Variants in FLNB observed in about 807,000 individuals in gnomAD.
FLNB encodes the protein filamin-B.
Under a neutral mutation model 250.6 loss-of-function variants are expected in FLNB, and 111 were observed. The observed-to-expected ratio is 0.44, with a 90% CI of 0.38 to 0.52. The LOEUF is 0.52. Ranked by LOEUF, FLNB falls within the 20% of genes least tolerant of loss-of-function variation. The probability of loss-of-function intolerance (pLI) is 0.00; values close to 1 mark genes in which losing one functional copy is unlikely to be tolerated. For synonymous variants in FLNB, 1,302 were observed against 1,372.1 expected (o/e 0.95, Z 1.13); for missense variants, 2,869 against 3,447.8 (o/e 0.83, Z 4.20).
At chr3:58,021,496 G>A (rs76335373) in intron 1 of FLNB, among the ~76,000 whole-genome samples, 64 of 152,296 alleles carry the variant, frequency 4.2e-4, no homozygotes, top group East Asian at 1.4e-3. Context: ...TGAGTGAGGC[G>A]CCTTGGCAGA....
chr3:58,100,655 TG>T (rs2097249532), intron 8 of FLNB, among the ~76,000 whole-genome samples: 1 of 148,002 alleles, frequency 6.8e-6, no homozygotes, highest in Non-Finnish European at 1.5e-5. Context: ...TGGAGTGTGG[TG>T]GTGTGATCTT....
intron 38 of FLNB, chr3:58,151,150 G>C (rs1300364620): frequency 1.3e-5 from 2 of 152,232 alleles, no homozygotes; most frequent in African/African-American, 2.4e-5. Context: ...CCAGCACTTT[G>C]GGGGGCCGAG....
rs375606046 is a variant in FLNB at position 58,130,850 on chromosome 3, G to A, written c.4332G>A (p.Thr1444=). The A allele has an allele frequency of 1.2e-5, 20 of 1,613,260 alleles. No individual in the cohort carries two copies. The highest frequency in any genetic ancestry group is 1.7e-5 in the Admixed American group (1 of 59,948). The part of the protein sequence containing the change: ...GVRARVLQSF[T]VDSSKAGLAP... The stretch of plus-strand genomic sequence containing the variant: ...GAGCCCGTGTCCTGCAGTCCTTCAC[G>A]GTGGACAGCAGCAAGGCTGGCCTGG... Residue 1444 remains threonine (T), a synonymous_variant, in exon 25 of 46, where the codon ACG becomes ACA. Coordinates refer to ENST00000295956, the MANE Select transcript of FLNB (RefSeq NM_001457.4).
In FLNB at chr3:58,123,685, G is replaced by A; in HGVS notation, c.3719G>A (p.Gly1240Glu). 2 of 1,555,344 alleles carry A rather than the reference G, an allele frequency of 1.3e-6. No homozygotes were observed. Among genetic ancestry groups the A allele is most frequent in the Non-Finnish European group, 1.8e-6 (2 of 1,141,714 alleles). ...RIKVFGPGIE[G>E]KDVFREATTD... ...AAAGTCTTTGGACCAGGAATAGAAG[G>A]GAAAGGTGGGTTTCATTTAAAAAAA... The change falls in exon 21 of 46, where the codon GGG becomes GAG. Residue 1240 changes from glycine (G) to glutamate (E), a missense_variant. By Grantham distance (98) the Gly-to-Glu change is moderately conservative. This residue lies in a region of FLNB where 1,348 missense variants were observed against 1,466.7 expected (regional missense o/e 0.92). Transcript: ENST00000295956.
chr3:58,052,834 C>G (rs2097164509), intron 1 of FLNB, among the ~76,000 whole-genome samples: 1 of 152,196 alleles, frequency 6.6e-6, no homozygotes, highest in Admixed American at 6.5e-5. Context: ...CCTGCCCTGT[C>G]CGGATTTAAA....
chr3:58,163,441 A>C (rs1344381408), intron 43 of FLNB, 111 bp downstream of exon 43: 1 of 1,168,560 alleles, frequency 8.6e-7, no homozygotes, highest in Non-Finnish European at 1.3e-6. Context: ...CCCCGTGGAA[A>C]CTGGGGTCAT....
intron 22 of FLNB, 62 bp downstream of exon 22, chr3:58,124,567 G>T: frequency 1.9e-6 from 3 of 1,570,424 alleles, no homozygotes; most frequent in East Asian, 2.3e-5. Context: ...ATTGCCTCCT[G>T]GTGGCTGGTA....
At position 58,156,031 on chromosome 3, in the gene FLNB, G is replaced by A. The variant is rs1339176246; in HGVS notation, c.6844G>A (p.Ala2282Thr). The A allele has an allele frequency of 8.1e-6, 13 of 1,614,016 alleles. No homozygotes were observed. The highest frequency in any genetic ancestry group is 1.1e-5 in the Non-Finnish European group (13 of 1,179,948). The change falls in exon 41 of 46, where the codon GCA (alanine) becomes ACA (threonine). Residue 2282 changes from alanine (A) to threonine (T), a missense_variant. Physicochemically the swap from Ala to Thr is moderately conservative, Grantham distance 58 (BLOSUM62 0). Coordinates refer to ENST00000295956, the MANE Select transcript of FLNB (RefSeq NM_001457.4). Reference sequence around the variant, plus strand: ...AAGCCCCTACCTGGTGCCGGTCATCGCACCCTCCGACGACGCCCGCCGCCT... The same window carrying A: ...AAGCCCCTACCTGGTGCCGGTCATCACACCCTCCGACGACGCCCGCCGCCT... ...PESPYLVPVIAPSDDARRLTV... is the reference protein window; with the variant it reads ...PESPYLVPVITPSDDARRLTV...
chr3:58,073,055 A>T (rs995541809), intron 1 of FLNB, among the ~76,000 whole-genome samples: 17 of 152,284 alleles, frequency 1.1e-4, no homozygotes, highest in African/African-American at 3.9e-4. Flanking sequence ...CTGTGGCCGG[A>T]TGAGACTTCA....
intron 3 of FLNB, among the ~76,000 whole-genome samples, chr3:58,080,475 A>G (rs573931289): frequency 6.7e-6 from 1 of 150,064 alleles, no homozygotes; most frequent in East Asian, 2.0e-4. Flanking sequence ...GAATATCAAG[A>G]GAAGTTCACC....
intron 1 of FLNB, 150 bp from the exon 2 acceptor site, chr3:58,076,896 T>G: frequency 1.1e-6 from 1 of 947,968 alleles, no homozygotes; most frequent in Non-Finnish European, 1.7e-6. Context: ...TCAAATGTTT[T>G]GAAGCAAATT....
In FLNB at chr3:58,125,612, C is replaced by A; in HGVS notation, c.3930C>A (p.Asp1310Glu). 1.2e-6 allele frequency: 2 copies of A among 1,614,158 alleles called. No homozygotes were observed. Among genetic ancestry groups the A allele is most frequent in the Non-Finnish European group, 1.7e-6 (2 of 1,180,036 alleles). ...GLHVVEVTYD[D>E]VPIPNSPFKV... ...ATGTAGTGGAGGTGACATATGATGACGTGCCTATCCCAAACAGTCCCTTCA... is the reference window on the plus strand; with the variant it reads ...ATGTAGTGGAGGTGACATATGATGAAGTGCCTATCCCAAACAGTCCCTTCA... The change falls in exon 23 of 46, where the codon GAC becomes GAA. Residue 1310 changes from aspartate to glutamate, a missense_variant. Physicochemically the swap from Asp to Glu is conservative, Grantham distance 45 (BLOSUM62 2). Transcript: ENST00000295956.
At chr3:58,144,417 C>G (rs1468180071) in intron 32 of FLNB, among the ~76,000 whole-genome samples, 1 of 152,212 alleles carries the variant, frequency 6.6e-6, no homozygotes, top group Admixed American at 6.5e-5. Flanking sequence ...TTAAGACTCT[C>G]CATGCAAACG....
chr3:58,121,888 G>C (rs2097289265), intron 20 of FLNB, among the ~76,000 whole-genome samples: 1 of 152,144 alleles, frequency 6.6e-6, no homozygotes, highest in African/African-American at 2.4e-5. Flanking sequence ...ACATTATTCT[G>C]GCCAGGCGCG....
chr3:58,149,634 C>G, intron 36 of FLNB: 1 of 609,340 alleles, frequency 1.6e-6, no homozygotes, highest in Non-Finnish European at 2.9e-6. Context: ...CTTCTGTGGT[C>G]AAAACCAGGT....
At chr3:58,149,003 C>T in intron 36 of FLNB, 151 bp downstream of exon 36, 1 of 752,844 alleles carries the variant, frequency 1.3e-6, no homozygotes, top group Non-Finnish European at 2.3e-6. Context: ...TTTTATGCCT[C>T]ATGACCATTG....
chr3:58,027,812 T>G (rs2097125540), intron 1 of FLNB, among the ~76,000 whole-genome samples: 1 of 152,228 alleles, frequency 6.6e-6, no homozygotes, highest in Non-Finnish European at 1.5e-5. Flanking sequence ...AAAACAAATG[T>G]ATTTGAAAAG....
intron 9 of FLNB, among the ~76,000 whole-genome samples, chr3:58,103,598 G>A (rs2097254562): frequency 6.6e-6 from 1 of 152,130 alleles, no homozygotes; most frequent in Non-Finnish European, 1.5e-5. Flanking sequence ...AGTTTTTGTG[G>A]GGGACTAGGA....
chr3:58,017,572 T>C (rs1559637993), intron 1 of FLNB, among the ~76,000 whole-genome samples: 1 of 152,092 alleles, frequency 6.6e-6, no homozygotes, highest in Non-Finnish European at 1.5e-5. Flanking sequence ...ATTTATTCTG[T>C]GGGAGGGGAG....
Sources: gnomAD v4.1 joint callset for allele counts (sites outside exome capture counted in the v4.1 genomes callset) on GRCh38, gnomAD v4.1.1 for gene constraint, gnomAD v4.1.1 regional missense constraint, MANE v1.5 for transcripts, NCBI Gene and HGNC (gene_info 2026-07-23, HGNC 2026-07-21) for gene names.